The following CLDN16 variants were observed in gnomAD, a reference collection of about 807,000 sequenced individuals.
CLDN16 encodes the protein claudin 16.
A neutral mutation model predicts 24.6 loss-of-function variants in CLDN16; 13 were observed. The ratio of observed to expected loss-of-function variants is 0.53; its 90% confidence interval spans 0.34 to 0.84. CLDN16 has a LOEUF of 0.84. Among genes scored for constraint, CLDN16 ranks in the 40% least tolerant of loss-of-function variants. The probability of loss-of-function intolerance (pLI) is 0.01; values close to 1 mark genes in which losing one functional copy is unlikely to be tolerated. For missense variants in CLDN16, 298 were observed against 292.7 expected (o/e 1.02, Z -0.13); for synonymous variants, 116 against 106.7 (o/e 1.09, Z -0.54).
At position 190,393,790 on chromosome 3, in the gene CLDN16, G is replaced by A. The variant is rs574871403; in HGVS notation, c.114+5347G>A. ...TTTTAAATCAGAATCTCTCTCTGTC[G>A]CCCAAGCTGGAGTGCAGTGGCATGA... On this transcript the variant is annotated intron_variant, in intron 1 of 4. Transcript: ENST00000264734. 8.1e-5 allele frequency among the ~76,000 whole-genome samples: 10 copies of A among 123,360 alleles called. No individual in the cohort carries two copies. In the South Asian group the frequency reaches 1.0e-3, roughly 13 times the overall value. The allele number at this position is 123,360 out of a possible 152,430, so 80.9% of individuals were successfully genotyped here.
chr3:190,372,039 T>C (rs995215446), intron 2 of CLDN16, among the ~76,000 whole-genome samples: 1 of 151,946 alleles, frequency 6.6e-6, no homozygotes, highest in Non-Finnish European at 1.5e-5. Context: ...CCTGCTCCAG[T>C]GTAAGATGTG....
intron 1 of CLDN16, among the ~76,000 whole-genome samples, chr3:190,398,204 A>T (rs1325984981): frequency 6.6e-6 from 1 of 152,222 alleles, no homozygotes; most frequent in East Asian, 1.9e-4. Flanking sequence ...TCTCTAATAT[A>T]CTAATTTCCT....
At chr3:190,376,268 T>A (rs983258798) in intron 3 of CLDN16, among the ~76,000 whole-genome samples, 11 of 151,820 alleles carry the variant, frequency 7.2e-5, no homozygotes, top group Non-Finnish European at 1.5e-4. Context: ...GTCATAAGGA[T>A]TGTATTCTGA....
intron 1 of CLDN16, among the ~76,000 whole-genome samples, chr3:190,338,367 G>C (rs57412723): frequency 0.071 from 10,740 of 152,264 alleles, 571 homozygotes; most frequent in African/African-American, 0.14. Flanking sequence ...TGAATGTGTA[G>C]TGGCGTATTT....
chr3:190,321,076 A>G (rs902979903), upstream of CLDN16, among the ~76,000 whole-genome samples: 1 of 152,192 alleles, frequency 6.6e-6, no homozygotes, highest in African/African-American at 2.4e-5. Flanking sequence ...TCCATTACAC[A>G]GAAATTTCTT....
chr3:190,371,039 TAAA>T (rs1553806007), intron 2 of CLDN16: 1 of 2,968 alleles, frequency 3.4e-4, no homozygotes, highest in African/African-American at 6.8e-4. Context: ...TATATATATA[TAAA>T]ATATATATGC....
intron 1 of CLDN16, among the ~76,000 whole-genome samples, chr3:190,397,811 C>T (rs1718858225): frequency 6.6e-6 from 1 of 152,152 alleles, no homozygotes; most frequent in Non-Finnish European, 1.5e-5. Flanking sequence ...GAGCTCATTG[C>T]TTTTCTAAAT....
chr3:190,327,933 T>G (rs562096306), intron 1 of CLDN16, among the ~76,000 whole-genome samples: 57 of 152,274 alleles, frequency 3.7e-4, no homozygotes, highest in South Asian at 3.7e-3. Context: ...CTTGTTTTTT[T>G]TGTGTGTGTT....
chr3:190,351,113 C>T (rs1717663946), intron 1 of CLDN16, among the ~76,000 whole-genome samples: 1 of 151,454 alleles, frequency 6.6e-6, no homozygotes, highest in Admixed American at 6.6e-5. Flanking sequence ...TGTGCACTCC[C>T]CCCCACCCCC....
chr3:190,386,517 C>T (rs1718501670), upstream of CLDN16, among the ~76,000 whole-genome samples: 1 of 152,084 alleles, frequency 6.6e-6, no homozygotes, highest in Admixed American at 6.5e-5. Flanking sequence ...GTAGTGCATA[C>T]AATGTGGAAA....
At chr3:190,337,949 G>T (rs1468586475) in intron 1 of CLDN16, among the ~76,000 whole-genome samples, 1 of 152,158 alleles carries the variant, frequency 6.6e-6, no homozygotes, top group Admixed American at 6.5e-5. Flanking sequence ...GCATAGGAAA[G>T]CCCCTTTTAA....
At chr3:190,322,082 G>C, upstream of CLDN16, 5 of 1,614,230 alleles carry the variant, frequency 3.1e-6, no homozygotes, top group Non-Finnish European at 4.2e-6. Context: ...GGCCTGGGCG[G>C]TCACGATGTT....
the CLDN16 span, among the ~76,000 whole-genome samples, chr3:190,301,650 A>G: frequency 6.6e-6 from 1 of 152,182 alleles, no homozygotes; most frequent in Non-Finnish European, 1.5e-5. Flanking sequence ...AAGCTTTGGA[A>G]TCATTTTTGA....
At chr3:190,333,525 GTCTATCA>G (rs1257702568) in intron 1 of CLDN16, among the ~76,000 whole-genome samples, 1 of 144,762 alleles carries the variant, frequency 6.9e-6, no homozygotes, top group Non-Finnish European at 1.5e-5. Context: ...ACAATTATCA[GTCTATCA>G]TCTATCTATC....
chr3:190,391,155 A>T (rs1718649662), intron 1 of CLDN16, among the ~76,000 whole-genome samples: 1 of 152,120 alleles, frequency 6.6e-6, no homozygotes, highest in Non-Finnish European at 1.5e-5. Context: ...TTTTAAGAAA[A>T]AAAAGGAATA....
At chr3:190,351,254 C>T (rs2108635786) in intron 1 of CLDN16, among the ~76,000 whole-genome samples, 1 of 152,106 alleles carries the variant, frequency 6.6e-6, no homozygotes, top group African/African-American at 2.4e-5. Flanking sequence ...GAACCATGAG[C>T]CAAAAAACCT....
At chr3:190,312,823 A>G in the CLDN16 span, 1 of 1,600,056 alleles carries the variant, frequency 6.2e-7, no homozygotes, top group Non-Finnish European at 8.6e-7. Flanking sequence ...ATTTCAAATC[A>G]TACCAGGAAC....
At chr3:190,344,162 G>A (rs114838417) in intron 1 of CLDN16, among the ~76,000 whole-genome samples, 8,569 of 151,914 alleles carry the variant, frequency 0.056, 804 homozygotes, top group African/African-American at 0.19. Context: ...TTGAAAGCAC[G>A]TATGAAGAAT....
At chr3:190,329,180 T>C (rs1268244779) in intron 1 of CLDN16, among the ~76,000 whole-genome samples, 2 of 151,994 alleles carry the variant, frequency 1.3e-5, no homozygotes, top group Non-Finnish European at 2.9e-5. Flanking sequence ...AGCTGAATAG[T>C]TTAGGGATGG....
Sources: gnomAD v4.1 joint callset for allele counts (sites outside exome capture counted in the v4.1 genomes callset) on GRCh38, gnomAD v4.1.1 for gene constraint, MANE v1.5 for transcripts, NCBI Gene and HGNC (gene_info 2026-07-23, HGNC 2026-07-21) for gene names.